LARS2: variants seen among roughly 807,000 people sequenced by gnomAD.
LARS2 encodes leucyl-tRNA synthetase 2, mitochondrial, also known as leucine--tRNA ligase, mitochondrial.
A neutral mutation model predicts 116.6 loss-of-function variants in LARS2; 81 were observed. The ratio of observed to expected loss-of-function variants is 0.69; its 90% CI spans 0.58 to 0.84. The LOEUF is 0.84. LARS2 is among the 40% of genes least tolerant of loss of function. The pLI is 0.00. For synonymous variants in LARS2, 396 were observed against 407.2 expected, an observed-to-expected ratio of 0.97 and a Z score of 0.33; for missense variants, 968 against 1,114.5, an observed-to-expected ratio of 0.87 and a Z score of 1.87.
At chr3:45,544,830 C>A (rs1397683952) in intron 21 of LARS2, among the ~76,000 whole-genome samples, 1 of 152,128 alleles carries the variant, frequency 6.6e-6, no homozygotes, top group Non-Finnish European at 1.5e-5. Context: ...CAGCCTCTCC[C>A]CAGTGGAGAG....
At position 45,417,535 on chromosome 3, in the gene LARS2, A is replaced by G. The variant is rs759295917; in HGVS notation, c.417A>G (p.Ala139=). The change falls in exon 5 of 22, where the codon GCA becomes GCG. Residue 139 remains alanine (A), a synonymous_variant. Transcript: ENST00000645846. The part of the protein sequence containing the change: ...DAFGLPAENA[A]VERNLHPQSW... ...TTGGATTGCCTGCTGAAAATGCCGC[A>G]GTCGAGAGGAATCTACATCCACAAA... The G allele has an allele frequency of 1.9e-6, 3 of 1,613,860 alleles. No homozygotes were observed. The highest frequency in any genetic ancestry group is 2.7e-5 in the African/African-American group (2 of 74,926).
intron 6 of LARS2, among the ~76,000 whole-genome samples, chr3:45,430,159 G>C (rs138640258): frequency 4.0e-5 from 6 of 150,692 alleles, no homozygotes; most frequent in Non-Finnish European, 8.9e-5. Context: ...ATTTTTAGTA[G>C]AGATGGGGTT....
At chr3:45,423,357 G>C (rs1698544428) in intron 6 of LARS2, among the ~76,000 whole-genome samples, 2 of 152,102 alleles carry the variant, frequency 1.3e-5, no homozygotes, top group South Asian at 4.1e-4. Context: ...CTGTCACCCA[G>C]GCTGGAGTGC....
At chr3:45,542,215 A>G (rs1376224184) in intron 21 of LARS2, among the ~76,000 whole-genome samples, 1 of 152,138 alleles carries the variant, frequency 6.6e-6, no homozygotes, top group Non-Finnish European at 1.5e-5. Flanking sequence ...GGGGAGTAAT[A>G]AACCTGGCCC....
intron 18 of LARS2, among the ~76,000 whole-genome samples, chr3:45,519,411 A>C (rs1304075321): frequency 6.6e-6 from 1 of 150,380 alleles, no homozygotes; most frequent in Non-Finnish European, 1.5e-5. Context: ...GAATCACTTG[A>C]ACCTGGGAGG....
At chr3:45,465,460 G>C (rs370876987) in intron 8 of LARS2, among the ~76,000 whole-genome samples, 2 of 152,220 alleles carry the variant, frequency 1.3e-5, no homozygotes, top group African/African-American at 4.8e-5. Context: ...CTGGGCAGGG[G>C]TAGGAAGGGC....
intron 14 of LARS2, 111 bp from the exon 15 acceptor site, chr3:45,500,331 A>T: frequency 7.5e-6 from 8 of 1,068,488 alleles, no homozygotes. Context: ...AATCATTGTT[A>T]TTCCCTGATA....
At chr3:45,461,424 G>A (rs1285816311) in intron 8 of LARS2, among the ~76,000 whole-genome samples, 2 of 151,856 alleles carry the variant, frequency 1.3e-5, no homozygotes, top group Non-Finnish European at 2.9e-5. Flanking sequence ...AAAGGACACT[G>A]TAGCTTAAGT....
chr3:45,484,630 A>AATATATATATATATATATATATATATAT (rs1553634444), intron 10 of LARS2, among the ~76,000 whole-genome samples: 30 of 9,720 alleles, frequency 3.1e-3, no homozygotes, highest in South Asian at 9.8e-3. Context: ...AAAAAAAAAA[A>AATATATATATATATATATATATATATAT]ATATATATAT....
At chr3:45,464,506 G>A (rs1699390264) in intron 8 of LARS2, among the ~76,000 whole-genome samples, 1 of 152,198 alleles carries the variant, frequency 6.6e-6, no homozygotes, top group South Asian at 2.1e-4. Flanking sequence ...GTCACAGGTA[G>A]CACCAGGAAG....
chr3:45,431,080 G>T (rs533275674), intron 6 of LARS2, among the ~76,000 whole-genome samples: 7 of 152,136 alleles, frequency 4.6e-5, no homozygotes, highest in Admixed American at 4.6e-4. Context: ...TAGCCCTCCC[G>T]CCGAGTCCGT....
chr3:45,543,257 GTTATTA>G lies in LARS2; in HGVS notation c.2532+1308_2532+1313del, dbSNP rs1021338089. ...AGGAAATTTCTTTTCTTTCTTTATTGTTATTATTATTAAAACCATCCTTGTGGCATG... is the reference window on the plus strand; with the variant it reads ...AGGAAATTTCTTTTCTTTCTTTATTGTTATTAAAACCATCCTTGTGGCATG... On this transcript the variant is annotated intron_variant, in intron 21 of 21. Coordinates refer to ENST00000645846, the MANE Select transcript of LARS2 (RefSeq NM_015340.4). Among the ~76,000 whole-genome samples the G allele has an allele frequency of 1.3e-4, 20 of 151,832 alleles. 1 individual carries two copies. The highest frequency in any genetic ancestry group is 3.9e-4 in the African/African-American group (16 of 41,370).
intron 21 of LARS2, among the ~76,000 whole-genome samples, chr3:45,544,034 C>A (rs1700837962): frequency 6.6e-6 from 1 of 152,194 alleles, no homozygotes; most frequent in South Asian, 2.1e-4. Flanking sequence ...AGCTTGAGAA[C>A]CCAGGCTGGG....
intron 8 of LARS2, among the ~76,000 whole-genome samples, chr3:45,465,662 C>T (rs1458404139): frequency 6.6e-6 from 1 of 152,180 alleles, no homozygotes. Flanking sequence ...AAAGGTCCTC[C>T]AGGGGTTGGT....
chr3:45,511,576 T>TAA (rs34491372), intron 15 of LARS2, among the ~76,000 whole-genome samples: 24 of 145,586 alleles, frequency 1.6e-4, no homozygotes, highest in African/African-American at 5.8e-4. Context: ...CAGTTTACCT[T>TAA]AAAAAAAAAA....
intron 4 of LARS2, among the ~76,000 whole-genome samples, chr3:45,412,677 T>C (rs552355094): frequency 1.3e-5 from 2 of 152,262 alleles, no homozygotes; most frequent in African/African-American, 4.8e-5. Flanking sequence ...AGCCTGGAAA[T>C]CCAAGGTGTC....
At chr3:45,426,246 A>G (rs1259161921) in intron 6 of LARS2, among the ~76,000 whole-genome samples, 1 of 152,246 alleles carries the variant, frequency 6.6e-6, no homozygotes, top group Non-Finnish European at 1.5e-5. Flanking sequence ...AAAAGAATTT[A>G]AAGAATAGCT....
At chr3:45,403,032 G>T (rs1698178617) in intron 4 of LARS2, among the ~76,000 whole-genome samples, 1 of 148,454 alleles carries the variant, frequency 6.7e-6, no homozygotes, top group African/African-American at 2.5e-5. Flanking sequence ...TTGAACCCGG[G>T]AGGCAGAGGT....
intron 8 of LARS2, among the ~76,000 whole-genome samples, chr3:45,462,895 A>C (rs1699357034): frequency 6.6e-6 from 1 of 152,174 alleles, no homozygotes; most frequent in Non-Finnish European, 1.5e-5. Flanking sequence ...TCTGTGATAT[A>C]TTTGATTTTT....
Sources: allele counts gnomAD v4.1 joint callset (sites outside exome capture counted in the v4.1 genomes callset), GRCh38; gene constraint gnomAD v4.1.1; transcripts MANE v1.5; gene names NCBI Gene and HGNC (gene_info 2026-07-23, HGNC 2026-07-21).